The following BCL2L14 variants were observed in gnomAD, a reference collection of about 807,000 sequenced individuals.
BCL2L14 encodes the protein apoptosis facilitator Bcl-2-like protein 14.
BCL2L14 carries 27 observed loss-of-function variants against 35.3 expected under a neutral mutation model. That is an observed-to-expected ratio of 0.76 (90% CI 0.56 to 1.05). The LOEUF is 1.05. Among genes scored for constraint, BCL2L14 ranks in the 50% least tolerant of loss-of-function variants. BCL2L14 has a pLI of 0.00. For synonymous variants in BCL2L14, 139 were observed against 145.9 expected (o/e 0.95, Z 0.34); for missense variants, 377 against 382.6 (o/e 0.99, Z 0.12).
At chr12:12,077,302 G>A (rs181298322) in intron 1 of BCL2L14, among the ~76,000 whole-genome samples, 12,705 of 152,158 alleles carry the variant, frequency 0.083, 566 homozygotes, top group East Asian at 0.15. Flanking sequence ...AGCACTTTGG[G>A]AGGCTGAGGC....
intron 3 of BCL2L14, among the ~76,000 whole-genome samples, chr12:12,090,067 A>G (rs947072146): frequency 6.6e-6 from 1 of 152,214 alleles, no homozygotes; most frequent in African/African-American, 2.4e-5. Flanking sequence ...TATGGTGTCC[A>G]TAAGATAAAA....
intron 1 of BCL2L14, among the ~76,000 whole-genome samples, chr12:12,051,340 T>G (rs1425638969): frequency 6.6e-6 from 1 of 152,198 alleles, no homozygotes; most frequent in Non-Finnish European, 1.5e-5. Context: ...AGTCTGTAGC[T>G]ACATGGGAAC....
At chr12:12,090,306 G>T (rs1403835994) in intron 3 of BCL2L14, among the ~76,000 whole-genome samples, 1 of 152,202 alleles carries the variant, frequency 6.6e-6, no homozygotes, top group African/African-American at 2.4e-5. Flanking sequence ...CTGGGCAGAA[G>T]AGGCGAGGTA....
Position 12,079,291 on chromosome 12 carries a change from T to A in BCL2L14, c.-7-8T>A, listed in dbSNP as rs776687121. The stretch of plus-strand genomic sequence containing the variant: ...TAGAAGGGCACAGTGTGGACTTTGT[T>A]GTTACAGGCCCAACATGTGTAGCAC... On this transcript the variant is annotated splice_polypyrimidine_tract_variant and splice_region_variant and intron_variant, in intron 1 of 5. Transcript: ENST00000308721. 51 of 1,607,974 alleles carry A rather than the reference T, an allele frequency of 3.2e-5. No individual in the cohort carries two copies. Among genetic ancestry groups the A allele is most frequent in the Non-Finnish European group, 4.2e-5 (50 of 1,176,880 alleles).
At chr12:12,095,036 C>T (rs1949285945) in intron 5 of BCL2L14, 106 bp downstream of exon 5, 7 of 1,470,100 alleles carry the variant, frequency 4.8e-6, no homozygotes, top group Non-Finnish European at 6.2e-6. Flanking sequence ...AAGCAGTTCT[C>T]ATGAGTTTAG....
At chr12:12,068,106 G>C (rs888941799), upstream of BCL2L14, 1 of 397,842 alleles carries the variant, frequency 2.5e-6, no homozygotes, top group Non-Finnish European at 4.4e-6. Flanking sequence ...ACCACGCCCA[G>C]CTAACTTTTT....
At chr12:12,058,092 GT>G (rs1948460087) in intron 2 of BCL2L14, among the ~76,000 whole-genome samples, 1 of 150,346 alleles carries the variant, frequency 6.7e-6, no homozygotes, top group South Asian at 2.1e-4. Context: ...GGGACTACAG[GT>G]GTGTGCCACC....
At chr12:12,062,554 T>C (rs1948541728) in intron 2 of BCL2L14, among the ~76,000 whole-genome samples, 3 of 150,524 alleles carry the variant, frequency 2.0e-5, no homozygotes, top group East Asian at 2.0e-4. Context: ...TCAGGTCCCC[T>C]CCCTTCCCTA....
At chr12:12,058,375 C>G (rs765762696) in intron 2 of BCL2L14, among the ~76,000 whole-genome samples, 1 of 151,904 alleles carries the variant, frequency 6.6e-6, no homozygotes, top group African/African-American at 2.4e-5. Context: ...CTCAGCCTCC[C>G]GAGTAGCTGG....
chr12:12,088,408 A>G (rs11054676), intron 3 of BCL2L14, among the ~76,000 whole-genome samples: 2 of 151,820 alleles, frequency 1.3e-5, no homozygotes. Flanking sequence ...GCCCAGCGCC[A>G]TGTTGTCTGC....
At chr12:12,075,122 T>G (rs993696658) in intron 1 of BCL2L14, among the ~76,000 whole-genome samples, 1 of 152,060 alleles carries the variant, frequency 6.6e-6, no homozygotes, top group Non-Finnish European at 1.5e-5. Flanking sequence ...TTTTTCTTTT[T>G]ATTTATTTAT....
At chr12:12,057,947 CTT>C (rs71057796) in intron 2 of BCL2L14, among the ~76,000 whole-genome samples, 7,902 of 138,794 alleles carry the variant, frequency 0.057, 224 homozygotes, top group Non-Finnish European at 0.082. Context: ...GTGTGTTTGT[CTT>C]TTTTTTTTTT....
chr12:12,081,060 G>A (rs943326014), intron 2 of BCL2L14, among the ~76,000 whole-genome samples: 3 of 152,046 alleles, frequency 2.0e-5, no homozygotes, highest in Non-Finnish European at 4.4e-5. Context: ...GGTGGTGCAC[G>A]CCTGTGGTCC....
intron 2 of BCL2L14, among the ~76,000 whole-genome samples, chr12:12,056,411 C>CGGG (rs1387533182): frequency 2.0e-5 from 3 of 152,128 alleles, no homozygotes; most frequent in Non-Finnish European, 4.4e-5. Flanking sequence ...TCCCTAAACC[C>CGGG]CTCATCTATA....
At chr12:12,080,390 G>T (rs894082336) in intron 2 of BCL2L14, among the ~76,000 whole-genome samples, 2 of 151,912 alleles carry the variant, frequency 1.3e-5, no homozygotes, top group East Asian at 1.9e-4. Flanking sequence ...GAAGGTTGAG[G>T]TGGGCAGATC....
chr12:12,076,148 G>A lies in BCL2L14; in HGVS notation c.-7-3151G>A, dbSNP rs1422350961. Among the ~76,000 whole-genome samples, 133 of 114,916 alleles carry A rather than the reference G, an allele frequency of 1.2e-3. 1 individual carries two copies. Among genetic ancestry groups the A allele is most frequent in the African/African-American group, 4.3e-3 (125 of 28,858 alleles). 75.4% of individuals were successfully genotyped at this position (114,916 alleles called of 152,430 possible). A position where few individuals can be genotyped will look rare whatever the true frequency, so the allele number is the denominator to read the frequency against. Reference sequence around the variant, plus strand: ...ATGCATGGGGGAGGGTGGGATGCCCGGAAAATGCATGGGGGAGGGTGGGAT... The same window carrying A: ...ATGCATGGGGGAGGGTGGGATGCCCAGAAAATGCATGGGGGAGGGTGGGAT... On this transcript the variant is annotated intron_variant, in intron 1 of 5. Coordinates refer to ENST00000308721, the MANE Select transcript of BCL2L14 (RefSeq NM_138723.2).
At chr12:12,051,591 C>A (rs1015782287) in intron 1 of BCL2L14, among the ~76,000 whole-genome samples, 1 of 152,172 alleles carries the variant, frequency 6.6e-6, no homozygotes, top group East Asian at 1.9e-4. Flanking sequence ...CCATTCTGCT[C>A]TTTAGCACTA....
chr12:12,050,445 A>AAAAAG (rs150065716), intron 1 of BCL2L14, among the ~76,000 whole-genome samples: 60 of 131,118 alleles, frequency 4.6e-4, no homozygotes, highest in African/African-American at 1.1e-3. Context: ...AAAAAAAAAA[A>AAAAAG]AAAAGAAAAG....
chr12:12,094,570 T>C (rs911609268), intron 4 of BCL2L14, 94 bp from the exon 5 acceptor site: 13 of 1,614,106 alleles, frequency 8.1e-6, no homozygotes, highest in South Asian at 1.1e-5. Context: ...TTCCACAGGA[T>C]GGTTTGATGG....
Sources: allele counts gnomAD v4.1 joint callset (sites outside exome capture counted in the v4.1 genomes callset), GRCh38; gene constraint gnomAD v4.1.1; transcripts MANE v1.5; gene names NCBI Gene and HGNC (gene_info 2026-07-23, HGNC 2026-07-21).